Variants in EMCN observed in about 807,000 individuals in gnomAD.
EMCN encodes MUC-14.
EMCN carries 37 observed loss-of-function variants against 38.4 expected under a neutral mutation model. The observed-to-expected ratio is 0.96, with a 90% CI of 0.74 to 1.27. The LOEUF is 1.27. Among genes scored for constraint, EMCN ranks in the 50% most tolerant of loss-of-function variants. The pLI is 0.00. For synonymous variants in EMCN, 95 were observed against 100.8 expected, an observed-to-expected ratio of 0.94 and a Z score of 0.35; for missense variants, 318 against 302.8, an observed-to-expected ratio of 1.05 and a Z score of -0.37.
chr4:100,444,816 A>G (rs1727623240), intron 5 of EMCN, among the ~76,000 whole-genome samples: 1 of 152,112 alleles, frequency 6.6e-6, no homozygotes, highest in Non-Finnish European at 1.5e-5. Context: ...GGGGCTGAGA[A>G]GAGGAGGGAG....
Position 100,465,477 on chromosome 4 carries a change from T to C in EMCN, c.322A>G (p.Thr108Ala), listed in dbSNP as rs1728290373. Reference sequence around the variant, plus strand: ...ACAGCATTTGGAAGTGTAACACTTGTTACTGTTACGTTTGAAATGATGGAG... The same window carrying C: ...ACAGCATTTGGAAGTGTAACACTTGCTACTGTTACGTTTGAAATGATGGAG... Reference protein sequence around the residue: ...NDSIISNVTVTSVTLPNAVST... With the variant: ...NDSIISNVTVASVTLPNAVST... The change falls in exon 4 of 12, where the codon ACA (threonine) becomes GCA (alanine). Residue 108 changes from threonine (T) to alanine (A), a missense_variant. Physicochemically the swap from Thr to Ala is moderately conservative, Grantham distance 58 (BLOSUM62 0). Coordinates refer to ENST00000296420, the MANE Select transcript of EMCN (RefSeq NM_016242.4). 3.1e-6 allele frequency: 5 copies of C among 1,609,398 alleles called. No homozygotes were observed. Among genetic ancestry groups the C allele is most frequent in the Admixed American group, 1.7e-5 (1 of 59,648 alleles).
intron 1 of EMCN, among the ~76,000 whole-genome samples, chr4:100,511,336 G>T (rs776547057): frequency 1.3e-5 from 2 of 152,162 alleles, no homozygotes; most frequent in Non-Finnish European, 2.9e-5. Flanking sequence ...ATAAATGGTA[G>T]ATGTTAGTAG....
At chr4:100,426,037 G>A (rs1240743734) in intron 5 of EMCN, among the ~76,000 whole-genome samples, 1 of 152,136 alleles carries the variant, frequency 6.6e-6, no homozygotes, top group Non-Finnish European at 1.5e-5. Flanking sequence ...CAAGTCTGTT[G>A]TAATAATGTA....
At position 100,497,636 on chromosome 4, in the gene EMCN, A is replaced by G. The variant is rs927594777; in HGVS notation, c.65-17597T>C. On this transcript the variant is annotated intron_variant, in intron 1 of 11. Coordinates refer to ENST00000296420, the MANE Select transcript of EMCN (RefSeq NM_016242.4). ...CATGATCCGCCTGCCTCAGCCTCCCAAAGTTCTGGGATTACAGGCGTGAGC... is the reference window on the plus strand; with the variant it reads ...CATGATCCGCCTGCCTCAGCCTCCCGAAGTTCTGGGATTACAGGCGTGAGC... Among the ~76,000 whole-genome samples the G allele has an allele frequency of 7.2e-5, 11 of 152,284 alleles. No homozygotes were observed. The East Asian group carries it at 1.9e-3, about 27-fold the overall frequency.
intron 4 of EMCN, among the ~76,000 whole-genome samples, chr4:100,459,519 T>C (rs1209473885): frequency 6.6e-6 from 1 of 152,106 alleles, no homozygotes; most frequent in African/African-American, 2.4e-5. Flanking sequence ...CAGAAGGTAT[T>C]CCTCCTGTCT....
intron 1 of EMCN, among the ~76,000 whole-genome samples, chr4:100,492,941 T>A (rs1219532476): frequency 3.3e-5 from 5 of 152,222 alleles, no homozygotes; most frequent in African/African-American, 1.2e-4. Context: ...AGCCTCAGTT[T>A]ATAATCTCAT....
intron 5 of EMCN, among the ~76,000 whole-genome samples, chr4:100,433,639 G>T (rs563787677): frequency 1.3e-5 from 2 of 151,888 alleles, no homozygotes; most frequent in African/African-American, 4.8e-5. Flanking sequence ...AGGTTCAAAT[G>T]ATTCTCCTGC....
At chr4:100,487,243 T>C (rs1277271507) in intron 1 of EMCN, among the ~76,000 whole-genome samples, 1 of 152,182 alleles carries the variant, frequency 6.6e-6, no homozygotes, top group Non-Finnish European at 1.5e-5. Context: ...AGCACATCCC[T>C]GTAAGCAACA....
rs1289592500 is a variant in EMCN, at chr4:100,482,846, C to T, written c.65-2807G>A. Reference sequence around the variant, plus strand: ...TTTATATTTATTAATGTCCTCTGCCCTTTTGAAGTCATCATGTGACATCAA... The same window carrying T: ...TTTATATTTATTAATGTCCTCTGCCTTTTTGAAGTCATCATGTGACATCAA... On this transcript the variant is annotated intron_variant, in intron 1 of 11. Transcript: ENST00000296420. 2.6e-5 allele frequency among the ~76,000 whole-genome samples: 4 copies of T among 152,200 alleles called. No individual in the cohort carries two copies. The East Asian group carries it at 5.8e-4, about 22-fold the overall frequency.
chr4:100,433,846 T>C (rs1373248022), intron 5 of EMCN, among the ~76,000 whole-genome samples: 1 of 152,078 alleles, frequency 6.6e-6, no homozygotes, highest in Admixed American at 6.6e-5. Context: ...GAAATCTCCA[T>C]ACTATTTTCT....
intron 1 of EMCN, among the ~76,000 whole-genome samples, chr4:100,506,234 G>T (rs1011134948): frequency 2.0e-5 from 3 of 152,160 alleles, no homozygotes; most frequent in Non-Finnish European, 4.4e-5. Flanking sequence ...CACCTAGAAT[G>T]TGTCTTTAAA....
intron 3 of EMCN, among the ~76,000 whole-genome samples, chr4:100,468,821 C>A (rs960554563): frequency 6.6e-6 from 1 of 151,578 alleles, no homozygotes; most frequent in African/African-American, 2.4e-5. Context: ...TTACCCAAAT[C>A]AATATATAGA....
chr4:100,422,906 C>G, intron 7 of EMCN, 115 bp downstream of exon 7: 1 of 954,718 alleles, frequency 1.0e-6, no homozygotes, highest in Non-Finnish European at 1.6e-6. Flanking sequence ...AATGGGATTG[C>G]AGGCTCAGTA....
intron 11 of EMCN, among the ~76,000 whole-genome samples, chr4:100,400,815 A>G (rs1402126764): frequency 6.6e-6 from 1 of 152,166 alleles, no homozygotes; most frequent in Non-Finnish European, 1.5e-5. Flanking sequence ...CACATTGACA[A>G]TCTTTCTCAA....
At chr4:100,503,061 T>C (rs1729392420) in intron 1 of EMCN, among the ~76,000 whole-genome samples, 1 of 152,118 alleles carries the variant, frequency 6.6e-6, no homozygotes, top group African/African-American at 2.4e-5. Flanking sequence ...AAGCTAACTT[T>C]GTAACATAAG....
In EMCN at chr4:100,397,759, A is replaced by T. The variant is rs2110201176; in HGVS notation, c.*654T>A. Reference sequence around the variant, plus strand: ...GTGAGTTCATGTATTCTAATAATCCATCCAAAAATATTCATAATTATAGGA... The same window carrying T: ...GTGAGTTCATGTATTCTAATAATCCTTCCAAAAATATTCATAATTATAGGA... On this transcript the variant is annotated 3_prime_UTR_variant, in exon 12 of 12. Transcript: ENST00000296420. 1 of 152,292 alleles carries T rather than the reference A, an allele frequency of 6.6e-6. No individual in the cohort carries two copies. Among genetic ancestry groups the T allele is most frequent in the South Asian group, 2.1e-4 (1 of 4,824 alleles). 9.4% of individuals were successfully genotyped at this position (152,292 alleles called of 1,614,324 possible). A position where few individuals can be genotyped will look rare whatever the true frequency, so the allele number is the denominator to read the frequency against.
intron 1 of EMCN, among the ~76,000 whole-genome samples, chr4:100,511,100 G>A (rs144287272): frequency 3.9e-5 from 6 of 152,270 alleles, no homozygotes; most frequent in Admixed American, 1.3e-4. Context: ...TAAATTACTC[G>A]AGCGGTAAGT....
intron 2 of EMCN, 35 bp downstream of exon 2, chr4:100,479,882 A>T (rs772090947): frequency 6.4e-7 from 1 of 1,568,600 alleles, no homozygotes; most frequent in Admixed American, 1.9e-5. Context: ...TTTATTTGTT[A>T]AAGTTAAACT....
At chr4:100,424,910 T>G (rs1727001145) in intron 5 of EMCN, among the ~76,000 whole-genome samples, 1 of 152,012 alleles carries the variant, frequency 6.6e-6, no homozygotes, top group Non-Finnish European at 1.5e-5. Flanking sequence ...GTAGACAGGC[T>G]AAATGGCAGA....
Sources: allele counts gnomAD v4.1 joint callset (sites outside exome capture counted in the v4.1 genomes callset), GRCh38; gene constraint gnomAD v4.1.1; transcripts MANE v1.5; gene names NCBI Gene and HGNC (gene_info 2026-07-23, HGNC 2026-07-21).